DTL: variants seen among roughly 807,000 people sequenced by gnomAD.
DTL encodes the protein denticleless protein homolog.
DTL carries 46 observed loss-of-function variants against 87.0 expected under a neutral mutation model. That is an observed-to-expected ratio of 0.53 (90% confidence interval 0.42 to 0.68). DTL has a LOEUF of 0.68. Ranked by LOEUF, DTL falls within the 30% of genes least tolerant of loss-of-function variation. The probability of loss-of-function intolerance (pLI) is 0.00; values close to 1 mark genes in which losing one functional copy is unlikely to be tolerated. For synonymous variants in DTL, 308 were observed against 311.2 expected, an observed-to-expected ratio of 0.99 and a Z score of 0.11; for missense variants, 737 against 869.4, an observed-to-expected ratio of 0.85 and a Z score of 1.91.
At chr1:212,036,594 A>G (rs1023143320) in intron 1 of DTL, among the ~76,000 whole-genome samples, 15 of 152,340 alleles carry the variant, frequency 9.8e-5, no homozygotes, top group African/African-American at 2.9e-4. Flanking sequence ...ATTTTCAGAA[A>G]TCGGATCAAA....
At chr1:212,045,367 A>T (rs1667776594) in intron 3 of DTL, among the ~76,000 whole-genome samples, 1 of 152,252 alleles carries the variant, frequency 6.6e-6, no homozygotes, top group African/African-American at 2.4e-5. Flanking sequence ...AAAGTTAAGA[A>T]AAATACTTTT....
At chr1:212,076,121 C>T (rs546612086) in intron 11 of DTL, among the ~76,000 whole-genome samples, 2 of 152,272 alleles carry the variant, frequency 1.3e-5, no homozygotes, top group East Asian at 3.9e-4. Context: ...AGTTGATGGA[C>T]ATTTGAGCTG....
intron 11 of DTL, among the ~76,000 whole-genome samples, chr1:212,074,462 A>G (rs1429627417): frequency 6.6e-6 from 1 of 152,110 alleles, no homozygotes; most frequent in African/African-American, 2.4e-5. Flanking sequence ...ACCACATACA[A>G]GGGTTACCCT....
At chr1:212,096,985 A>G (rs1052561167) in intron 13 of DTL, among the ~76,000 whole-genome samples, 13 of 152,114 alleles carry the variant, frequency 8.5e-5, no homozygotes, top group Non-Finnish European at 1.3e-4. Context: ...TGTGTATTTC[A>G]AGGTTTTGCT....
chr1:212,064,332 G>A (rs999317647), intron 6 of DTL, among the ~76,000 whole-genome samples: 1 of 152,072 alleles, frequency 6.6e-6, no homozygotes, highest in Non-Finnish European at 1.5e-5. Context: ...TGCCTGAGTG[G>A]TACATTTGTT....
chr1:212,101,749 A>G (rs1312437246), intron 14 of DTL, among the ~76,000 whole-genome samples: 2 of 152,178 alleles, frequency 1.3e-5, no homozygotes, highest in Non-Finnish European at 2.9e-5. Context: ...GACTCATTTC[A>G]TTGACTGACT....
At chr1:212,071,953 GTTC>G in intron 10 of DTL, 145 bp from the exon 11 acceptor site, 1 of 580,990 alleles carries the variant, frequency 1.7e-6, no homozygotes, top group Non-Finnish European at 3.0e-6. Context: ...CCAATGTCTA[GTTC>G]CCTTGTATTT....
At chr1:212,043,275 CTT>C (rs568258651) in intron 2 of DTL, among the ~76,000 whole-genome samples, 157 bp downstream of exon 2, 1 of 152,156 alleles carries the variant, frequency 6.6e-6, no homozygotes, top group Non-Finnish European at 1.5e-5. Flanking sequence ...ATAAAATAGA[CTT>C]TTCTTAATCT....
chr1:212,048,417 T>C (rs1667867880), intron 5 of DTL, among the ~76,000 whole-genome samples: 1 of 152,150 alleles, frequency 6.6e-6, no homozygotes, highest in Non-Finnish European at 1.5e-5. Flanking sequence ...GATCTTGAAC[T>C]CCTGACCTCG....
intron 5 of DTL, among the ~76,000 whole-genome samples, chr1:212,059,302 TA>T (rs558660938): frequency 2.3e-3 from 330 of 142,040 alleles, no homozygotes; most frequent in Middle Eastern, 3.6e-3. Context: ...AACAGCACAT[TA>T]AAAAAAAAAA....
At chr1:212,054,407 CAAAAAA>C (rs79544521) in intron 5 of DTL, among the ~76,000 whole-genome samples, 1 of 136,278 alleles carries the variant, frequency 7.3e-6, no homozygotes, top group Non-Finnish European at 1.6e-5. Flanking sequence ...ACCACACACA[CAAAAAA>C]AAAAAAAACA....
intron 2 of DTL, 25 bp from the exon 3 acceptor site, chr1:212,044,635 A>ATTT: frequency 7.0e-7 from 1 of 1,436,508 alleles, no homozygotes. Context: ...TACTCTATAT[A>ATTT]TTTTTTTCTT....
At chr1:212,089,098 AAG>A (rs1424271353) in intron 13 of DTL, among the ~76,000 whole-genome samples, 1 of 152,232 alleles carries the variant, frequency 6.6e-6, no homozygotes, top group Non-Finnish European at 1.5e-5. Context: ...AAAACAAAGA[AAG>A]AAGCTGCAAA....
intron 13 of DTL, among the ~76,000 whole-genome samples, chr1:212,082,116 G>A (rs750794988): frequency 5.9e-5 from 9 of 152,174 alleles, no homozygotes; most frequent in Non-Finnish European, 8.8e-5. Flanking sequence ...CTGGGAGAGT[G>A]TTACATCCTG....
At chr1:212,073,748 A>T (rs1482065321) in intron 11 of DTL, among the ~76,000 whole-genome samples, 2 of 152,238 alleles carry the variant, frequency 1.3e-5, no homozygotes, top group South Asian at 2.1e-4. Flanking sequence ...TTCTTTTGTT[A>T]TATTTTTAAA....
chr1:212,072,803 G>A (rs918804643), intron 11 of DTL, among the ~76,000 whole-genome samples: 6 of 136,486 alleles, frequency 4.4e-5, no homozygotes, highest in African/African-American at 1.4e-4. Flanking sequence ...TCACTCTGTC[G>A]CACAGGCTGG....
At chr1:212,054,407 C>CA (rs79544521) in intron 5 of DTL, among the ~76,000 whole-genome samples, 5,411 of 136,202 alleles carry the variant, frequency 0.04, 114 homozygotes, top group Non-Finnish European at 0.049. Flanking sequence ...ACCACACACA[C>CA]AAAAAAAAAA....
intron 3 of DTL, 132 bp from the exon 4 acceptor site, chr1:212,047,019 G>A (rs139402224): frequency 1.2e-3 from 940 of 762,506 alleles, no homozygotes; most frequent in African/African-American, 0.01. Context: ...TTGTGGTTTT[G>A]ATTTGCATTT....
chr1:212,056,058 G>A (rs951193099), intron 5 of DTL, among the ~76,000 whole-genome samples: 2 of 152,154 alleles, frequency 1.3e-5, no homozygotes, highest in Non-Finnish European at 2.9e-5. Context: ...TGGGTTCCAG[G>A]GGATTTTTTC....
Sources: gnomAD v4.1 joint callset for allele counts (sites outside exome capture counted in the v4.1 genomes callset) on GRCh38, gnomAD v4.1.1 for gene constraint, MANE v1.5 for transcripts, NCBI Gene and HGNC (gene_info 2026-07-23, HGNC 2026-07-21) for gene names.